Variants in DPF3 observed in about 807,000 individuals in gnomAD.
DPF3 encodes the protein double PHD fingers 3.
Under a neutral mutation model 56.8 loss-of-function variants are expected in DPF3, and 18 were observed. The ratio of observed to expected loss-of-function variants is 0.32; its 90% CI spans 0.22 to 0.47. DPF3 has a LOEUF of 0.47. Ranked by LOEUF, DPF3 falls within the 20% of genes least tolerant of loss-of-function variation. The probability of loss-of-function intolerance (pLI) is 1.00; values close to 1 mark genes in which losing one functional copy is unlikely to be tolerated. For missense variants in DPF3, 403 were observed against 488.8 expected, an observed-to-expected ratio of 0.82 and a Z score of 1.65; for synonymous variants, 188 against 180.2, an observed-to-expected ratio of 1.04 and a Z score of -0.35.
chr14:72,836,494 C>T, intron 1 of DPF3: 1 of 985,492 alleles, frequency 1.0e-6, no homozygotes, highest in Non-Finnish European at 1.2e-6. Flanking sequence ...ACTAGGTCTT[C>T]CCTTGGGGTT....
intron 1 of DPF3, among the ~76,000 whole-genome samples, chr14:72,825,816 G>A (rs1401832733): frequency 8.6e-5 from 13 of 151,988 alleles, no homozygotes; most frequent in Non-Finnish European, 1.3e-4. Flanking sequence ...ACTAAGTAAG[G>A]AGCTGGTCAT....
chr14:72,787,497 C>T (rs1481064310), intron 1 of DPF3, among the ~76,000 whole-genome samples: 5 of 152,146 alleles, frequency 3.3e-5, no homozygotes, highest in African/African-American at 9.7e-5. Flanking sequence ...ACGTGGCACC[C>T]GGGCTCCAGT....
At chr14:72,775,848 C>T (rs1410910839) in intron 1 of DPF3, among the ~76,000 whole-genome samples, 1 of 152,114 alleles carries the variant, frequency 6.6e-6, no homozygotes, top group African/African-American at 2.4e-5. Context: ...AAGCACTTCT[C>T]CAAAAGTTAA....
intron 8 of DPF3, among the ~76,000 whole-genome samples, chr14:72,632,906 G>T (rs548467766): frequency 6.6e-6 from 1 of 151,412 alleles, no homozygotes; most frequent in Admixed American, 6.6e-5. Context: ...GGGGCTGTAC[G>T]CTAAGGAAAG....
intron 1 of DPF3, among the ~76,000 whole-genome samples, chr14:72,812,203 T>C (rs560952161): frequency 2.0e-5 from 3 of 152,098 alleles, no homozygotes; most frequent in East Asian, 1.9e-4. Context: ...CTGAGGCTGC[T>C]CCCACCAGCC....
chr14:72,717,444 C>T (rs575677757), intron 5 of DPF3, among the ~76,000 whole-genome samples: 2 of 152,154 alleles, frequency 1.3e-5, no homozygotes, highest in African/African-American at 4.8e-5. Context: ...TCATTTCCCC[C>T]CTCCTTGCCT....
intron 1 of DPF3, among the ~76,000 whole-genome samples, chr14:72,790,788 C>A (rs926139486): frequency 6.6e-6 from 1 of 152,156 alleles, no homozygotes; most frequent in Non-Finnish European, 1.5e-5. Context: ...TCTAAAATGT[C>A]CCCAGCCTTA....
intron 1 of DPF3, among the ~76,000 whole-genome samples, chr14:72,802,540 C>T (rs973255638): frequency 1.4e-4 from 21 of 152,090 alleles, no homozygotes; most frequent in Non-Finnish European, 1.5e-5. Flanking sequence ...CTTCTGAGCC[C>T]CCAGCCCCTC....
At chr14:72,875,138 A>G (rs1437878829) in intron 1 of DPF3, among the ~76,000 whole-genome samples, 6 of 152,240 alleles carry the variant, frequency 3.9e-5, no homozygotes, top group Non-Finnish European at 7.4e-5. Flanking sequence ...ACTGGCCTCC[A>G]TGATTCAATT....
intron 1 of DPF3, among the ~76,000 whole-genome samples, chr14:72,783,893 G>T (rs548636061): frequency 6.6e-6 from 1 of 152,210 alleles, no homozygotes; most frequent in East Asian, 1.9e-4. Flanking sequence ...CAGGGGCAGC[G>T]GCAGGATGGG....
At chr14:72,650,981 G>A (rs1449120741) in intron 8 of DPF3, among the ~76,000 whole-genome samples, 1 of 152,202 alleles carries the variant, frequency 6.6e-6, no homozygotes, top group Non-Finnish European at 1.5e-5. Flanking sequence ...ACTATCATGG[G>A]TTCCTCACTT....
chr14:72,810,910 T>C (rs1883017261), intron 1 of DPF3, among the ~76,000 whole-genome samples: 1 of 152,206 alleles, frequency 6.6e-6, no homozygotes, highest in African/African-American at 2.4e-5. Flanking sequence ...TGTATTACTA[T>C]AAAGGAATGC....
intron 1 of DPF3, among the ~76,000 whole-genome samples, chr14:72,866,518 C>T (rs530680527): frequency 1.7e-4 from 26 of 150,626 alleles, no homozygotes; most frequent in Non-Finnish European, 1.3e-4. Context: ...GCCATGGAGT[C>T]TTGGGCAAAT....
At chr14:72,869,466 G>A (rs371471109) in intron 1 of DPF3, among the ~76,000 whole-genome samples, 1 of 152,182 alleles carries the variant, frequency 6.6e-6, no homozygotes, top group Non-Finnish European at 1.5e-5. Flanking sequence ...AAAAAAGTGA[G>A]ACGCATGCTT....
chr14:72,848,662 C>G (rs1599493587), intron 1 of DPF3, among the ~76,000 whole-genome samples: 2 of 152,248 alleles, frequency 1.3e-5, no homozygotes, highest in East Asian at 3.9e-4. Context: ...CAGGTAGTAC[C>G]AGGGCTAAAC....
chr14:72,671,430 T>C (rs994243212), intron 8 of DPF3: 16 of 1,530,298 alleles, frequency 1.0e-5, no homozygotes, highest in African/African-American at 1.4e-5. Flanking sequence ...CTATTCTTAA[T>C]AGCAAGATAT....
chr14:72,710,943 G>A (rs995696026), intron 6 of DPF3, among the ~76,000 whole-genome samples: 8 of 152,156 alleles, frequency 5.3e-5, no homozygotes, highest in Non-Finnish European at 7.3e-5. Flanking sequence ...TCTCTGAGAC[G>A]GAAGAAATTC....
At chr14:72,868,271 C>T (rs555334824) in intron 1 of DPF3, among the ~76,000 whole-genome samples, 7 of 152,306 alleles carry the variant, frequency 4.6e-5, no homozygotes, top group Non-Finnish European at 1.0e-4. Flanking sequence ...AACTCCATCA[C>T]TTTGTAATGG....
intron 1 of DPF3, among the ~76,000 whole-genome samples, chr14:72,808,410 A>G (rs973570052): frequency 2.0e-5 from 3 of 152,190 alleles, no homozygotes; most frequent in Non-Finnish European, 2.9e-5. Flanking sequence ...TCAAATAGTA[A>G]GAGTCACTTT....
Sources: allele counts gnomAD v4.1 joint callset (sites outside exome capture counted in the v4.1 genomes callset), GRCh38; gene constraint gnomAD v4.1.1; transcripts MANE v1.5; gene names NCBI Gene and HGNC (gene_info 2026-07-23, HGNC 2026-07-21).